Variants in SDK1 observed in about 807,000 individuals in gnomAD.
SDK1 encodes protein sidekick-1.
Under a neutral mutation model 245.5 loss-of-function variants are expected in SDK1, and 157 were observed. The ratio of observed to expected loss-of-function variants is 0.64; its 90% confidence interval spans 0.56 to 0.73. The LOEUF is 0.73. SDK1 is among the 30% of genes least tolerant of loss of function. The pLI is 0.00. For synonymous variants in SDK1, 1,647 were observed against 1,278.5 expected (o/e 1.29, Z -6.15); for missense variants, 3,583 against 3,002.3 (o/e 1.19, Z -4.52).
intron 1 of SDK1, among the ~76,000 whole-genome samples, chr7:3,470,309 T>G (rs1013772528): frequency 6.6e-6 from 1 of 152,192 alleles, no homozygotes; most frequent in Non-Finnish European, 1.5e-5. Context: ...CAGATAGGTA[T>G]AGGATCTGAT....
intron 4 of SDK1, among the ~76,000 whole-genome samples, chr7:3,654,535 A>G (rs1319458626): frequency 6.6e-6 from 1 of 150,668 alleles, no homozygotes. Flanking sequence ...TGTTGCCCAC[A>G]GTAAGTTTGA....
intron 35 of SDK1, among the ~76,000 whole-genome samples, chr7:4,204,661 A>G (rs967191725): frequency 6.6e-6 from 1 of 152,054 alleles, no homozygotes; most frequent in Non-Finnish European, 1.5e-5. Context: ...GTCCGTAAAG[A>G]CACTCAGTCA....
intron 4 of SDK1, among the ~76,000 whole-genome samples, chr7:3,697,681 G>C (rs1784614011): frequency 6.6e-6 from 1 of 152,120 alleles, no homozygotes; most frequent in African/African-American, 2.4e-5. Context: ...AGCTGATGTG[G>C]TTTATAACTT....
chr7:4,004,880 C>T (rs542895890), intron 14 of SDK1, among the ~76,000 whole-genome samples: 1 of 151,586 alleles, frequency 6.6e-6, no homozygotes, highest in East Asian at 1.9e-4. Flanking sequence ...GTCCATCCAT[C>T]GTACTGGTTG....
rs541415163 is a variant in SDK1, at chr7:4,194,120, G to C, written c.5099-11759G>C. ...AGAAGAACTCCATCCTGAATATTCT[G>C]TCTCTCTAGAACCACTCCTGGTACC... On this transcript the variant is annotated intron_variant, in intron 35 of 44. Coordinates refer to ENST00000404826, the MANE Select transcript of SDK1 (RefSeq NM_152744.4). Among the ~76,000 whole-genome samples the C allele has an allele frequency of 2.4e-4, 37 of 152,156 alleles. No individual in the cohort carries two copies. The South Asian group carries it at 3.1e-3, about 13-fold the overall frequency.
chr7:3,369,183 T>TA (rs762465854), intron 1 of SDK1, among the ~76,000 whole-genome samples: 3 of 152,148 alleles, frequency 2.0e-5, no homozygotes, highest in Admixed American at 6.5e-5. Flanking sequence ...TAGCTGGGAT[T>TA]ACAGGTGTGT....
Position 3,642,026 on chromosome 7 carries a change from C to T in SDK1, c.634C>T (p.Leu212=). 6.2e-7 allele frequency: 1 copy of T among 1,613,542 alleles called. No homozygotes were observed. Among genetic ancestry groups the T allele is most frequent in the Non-Finnish European group, 8.5e-7 (1 of 1,179,448 alleles). The part of the protein sequence containing the change: ...VSQGRAAILN[L]LPITSYPRPQ... Reference sequence around the variant, plus strand: ...TCAAGGACGTGCAGCGATTCTAAACCTGCTGCCCATCACCAGCTACCCCAG... The same window carrying T: ...TCAAGGACGTGCAGCGATTCTAAACTTGCTGCCCATCACCAGCTACCCCAG... Residue 212 remains leucine, a synonymous_variant, in exon 4 of 45, where the codon CTG becomes TTG. Transcript: ENST00000404826.
chr7:3,921,894 A>T (rs1779597945), intron 5 of SDK1, among the ~76,000 whole-genome samples: 1 of 150,720 alleles, frequency 6.6e-6, no homozygotes. Flanking sequence ...TGAGCCCAGG[A>T]GGTCAAGGCT....
At chr7:3,898,092 G>A (rs900636649) in intron 5 of SDK1, among the ~76,000 whole-genome samples, 3 of 152,122 alleles carry the variant, frequency 2.0e-5, no homozygotes, top group South Asian at 2.1e-4. Context: ...CATATTCCAG[G>A]GGCAGAGAGA....
chr7:4,031,822 T>G (rs1787839324), intron 17 of SDK1, among the ~76,000 whole-genome samples: 1 of 151,310 alleles, frequency 6.6e-6, no homozygotes, highest in South Asian at 2.1e-4. Context: ...AGGTCAAGAG[T>G]TCTAGACCAG....
At chr7:3,485,684 T>TTG (rs1562515925) in intron 1 of SDK1, among the ~76,000 whole-genome samples, 3 of 71,478 alleles carry the variant, frequency 4.2e-5, no homozygotes, top group Non-Finnish European at 7.7e-5. Context: ...CTTTGGAGGG[T>TTG]TTTTTTTTTT....
chr7:3,791,412 C>G, intron 4 of SDK1, among the ~76,000 whole-genome samples: 1 of 152,224 alleles, frequency 6.6e-6, no homozygotes. Flanking sequence ...ACCAGCTCAT[C>G]ATGGTGTGAG....
intron 1 of SDK1, among the ~76,000 whole-genome samples, chr7:3,506,102 T>C (rs1288714493): frequency 6.6e-6 from 1 of 152,198 alleles, no homozygotes; most frequent in Admixed American, 6.5e-5. Flanking sequence ...GATGCAAGTT[T>C]TCATCTGACA....
At chr7:4,107,736 C>A (rs577354594) in intron 22 of SDK1, among the ~76,000 whole-genome samples, 23 of 152,292 alleles carry the variant, frequency 1.5e-4, no homozygotes, top group African/African-American at 5.3e-4. Context: ...GCCTACGACC[C>A]CCATCTCCTC....
chr7:3,700,357 A>C (rs1784705716), intron 4 of SDK1, among the ~76,000 whole-genome samples: 2 of 152,194 alleles, frequency 1.3e-5, no homozygotes, highest in Non-Finnish European at 2.9e-5. Flanking sequence ...GGTTGATGTA[A>C]AAAGTATAAC....
chr7:3,321,553 C>T (rs1223096872), intron 1 of SDK1, among the ~76,000 whole-genome samples: 1 of 152,004 alleles, frequency 6.6e-6, no homozygotes. Flanking sequence ...GTGTTTTTTT[C>T]CCCAACAGTT....
At chr7:3,366,886 C>T (rs568544623) in intron 1 of SDK1, among the ~76,000 whole-genome samples, 3 of 152,002 alleles carry the variant, frequency 2.0e-5, no homozygotes, top group African/African-American at 4.8e-5. Context: ...GGATTACAGG[C>T]ATGCACCACC....
chr7:3,836,436 A>G (rs552699276), intron 5 of SDK1, among the ~76,000 whole-genome samples: 1 of 152,302 alleles, frequency 6.6e-6, no homozygotes, highest in Non-Finnish European at 1.5e-5. Context: ...TTGACTCAAG[A>G]TGTATTTACT....
chr7:4,054,872 C>G (rs911478842), intron 19 of SDK1, among the ~76,000 whole-genome samples: 4 of 151,864 alleles, frequency 2.6e-5, no homozygotes, highest in Non-Finnish European at 4.4e-5. Flanking sequence ...TCTGGTTTTT[C>G]TTCTTAGCTT....
Sources: gnomAD v4.1 joint callset for allele counts (sites outside exome capture counted in the v4.1 genomes callset) on GRCh38, gnomAD v4.1.1 for gene constraint, MANE v1.5 for transcripts, NCBI Gene and HGNC (gene_info 2026-07-23, HGNC 2026-07-21) for gene names.